The following PTH2R variants were observed in gnomAD, a reference collection of about 807,000 sequenced individuals.
The protein encoded by PTH2R is PTH2 receptor.
In PTH2R, 59 loss-of-function variants were observed where a neutral mutation model predicts 60.3. The ratio of observed to expected loss-of-function variants is 0.98; its 90% CI spans 0.79 to 1.22. The LOEUF (loss-of-function observed/expected upper bound fraction) is 1.22, where lower values mean the gene tolerates loss of function less well. Among genes scored for constraint, PTH2R ranks in the 50% most tolerant of loss-of-function variants. PTH2R has a pLI of 0.00. For synonymous variants in PTH2R, 256 were observed against 243.8 expected, an observed-to-expected ratio of 1.05 and a Z score of -0.47; for missense variants, 749 against 682.6, an observed-to-expected ratio of 1.10 and a Z score of -1.08.
chr2:208,456,232 ACT>A (rs1702512146), intron 8 of PTH2R, among the ~76,000 whole-genome samples: 2 of 151,482 alleles, frequency 1.3e-5, no homozygotes, highest in Non-Finnish European at 2.9e-5. Flanking sequence ...ACAGAGGGAG[ACT>A]CTGTCTCAAA....
At position 208,493,863 on chromosome 2, in the gene PTH2R, C is replaced by G. The variant is rs983433282; in HGVS notation, c.*204C>G. Reference sequence around the variant, plus strand: ...TGTCAATGGAGTAGTTTATTACCTTCTATTGGCATCAAGTTTTCCTCTAAA... The same window carrying G: ...TGTCAATGGAGTAGTTTATTACCTTGTATTGGCATCAAGTTTTCCTCTAAA... On this transcript the variant is annotated 3_prime_UTR_variant, in exon 13 of 13. Transcript: ENST00000272847. 8.8e-5 allele frequency: 39 copies of G among 444,488 alleles called. No homozygotes were observed. The highest frequency in any genetic ancestry group is 6.8e-4 in the African/African-American group (34 of 49,652). 27.5% of individuals were successfully genotyped at this position (444,488 alleles called of 1,614,324 possible).
intron 1 of PTH2R, among the ~76,000 whole-genome samples, chr2:208,384,680 CA>C (rs1357567750): frequency 1.3e-5 from 2 of 152,170 alleles, no homozygotes; most frequent in Non-Finnish European, 2.9e-5. Context: ...TCCCATAAAA[CA>C]ATTACACATT....
intron 2 of PTH2R, among the ~76,000 whole-genome samples, chr2:208,436,679 A>G (rs1047320676): frequency 1.3e-5 from 2 of 152,102 alleles, no homozygotes; most frequent in Non-Finnish European, 2.9e-5. Context: ...CTGATTACAT[A>G]CCTCAGGGAA....
intron 9 of PTH2R, among the ~76,000 whole-genome samples, chr2:208,463,614 A>T (rs1252454416): frequency 6.6e-6 from 1 of 152,190 alleles, no homozygotes; most frequent in Non-Finnish European, 1.5e-5. Flanking sequence ...TGGCTGCCAC[A>T]CAGCGCTGTA....
intron 1 of PTH2R, among the ~76,000 whole-genome samples, chr2:208,392,840 G>A (rs764172493): frequency 7.2e-5 from 11 of 152,138 alleles, no homozygotes; most frequent in African/African-American, 1.7e-4. Context: ...AGACTGAGCC[G>A]CTGGAATGGG....
At chr2:208,427,459 C>A (rs1224820336) in intron 1 of PTH2R, among the ~76,000 whole-genome samples, 1 of 152,012 alleles carries the variant, frequency 6.6e-6, no homozygotes, top group Non-Finnish European at 1.5e-5. Flanking sequence ...TATTTCAACC[C>A]CCAAAATTAG....
At chr2:208,458,538 C>T (rs1702561408) in intron 8 of PTH2R, among the ~76,000 whole-genome samples, 1 of 152,088 alleles carries the variant, frequency 6.6e-6, no homozygotes, top group Non-Finnish European at 1.5e-5. Context: ...CATAATATTA[C>T]ATCACCCAAG....
chr2:208,439,859 ATAAATTTACTTC>A (rs1317526918), intron 4 of PTH2R, among the ~76,000 whole-genome samples: 1 of 152,180 alleles, frequency 6.6e-6, no homozygotes, highest in African/African-American at 2.4e-5. Flanking sequence ...TTTTGATCTT[ATAAATTTACTTC>A]TAAAATCAAG....
intron 7 of PTH2R, 45 bp from the exon 8 acceptor site, chr2:208,450,704 T>C: frequency 6.3e-7 from 1 of 1,592,458 alleles, no homozygotes; most frequent in Non-Finnish European, 8.6e-7. Context: ...AAAACCTCCT[T>C]AATCTTAAAA....
intron 1 of PTH2R, among the ~76,000 whole-genome samples, chr2:208,407,906 A>G (rs573170360): frequency 6.6e-6 from 1 of 152,350 alleles, no homozygotes; most frequent in East Asian, 1.9e-4. Context: ...GGGTGCACCT[A>G]GACCGTCAAA....
rs1005692824 is a variant in PTH2R at position 208,368,986 on chromosome 2, C to T, written c.-259+8749C>T. Among the ~76,000 whole-genome samples the T allele has an allele frequency of 6.0e-5, 9 of 151,090 alleles. No individual in the cohort carries two copies. The South Asian group carries it at 1.9e-3, about 31-fold the overall frequency. ...ACTGTCATTGTTACTTGGATTATAA[C>T]TAAGTATTTCAATGTGAGTGAATGT... On this transcript the variant is annotated intron_variant, in intron 1 of 12. Coordinates refer to the PTH2R transcript ENST00000617735.
At chr2:208,393,531 G>T (rs971169211) in intron 1 of PTH2R, among the ~76,000 whole-genome samples, 1 of 152,118 alleles carries the variant, frequency 6.6e-6, no homozygotes, top group African/African-American at 2.4e-5. Context: ...CTTCCTAGTG[G>T]AATGGAGTTT....
intron 1 of PTH2R, among the ~76,000 whole-genome samples, chr2:208,383,868 A>G (rs1457358211): frequency 6.6e-6 from 1 of 152,224 alleles, no homozygotes; most frequent in East Asian, 1.9e-4. Context: ...ACAGATCTCC[A>G]TGCTGAGTGT....
At chr2:208,483,787 A>G (rs1703213668) in intron 10 of PTH2R, among the ~76,000 whole-genome samples, 1 of 152,234 alleles carries the variant, frequency 6.6e-6, no homozygotes, top group South Asian at 2.1e-4. Context: ...AATATCCTTA[A>G]TTATGTCCAA....
At chr2:208,470,685 A>T (rs139832918) in intron 9 of PTH2R, among the ~76,000 whole-genome samples, 24 of 152,322 alleles carry the variant, frequency 1.6e-4, no homozygotes, top group African/African-American at 5.8e-4. Flanking sequence ...CTTTATCAGC[A>T]GCATGAAAAC....
At chr2:208,460,899 C>T (rs1460787364) in intron 9 of PTH2R, among the ~76,000 whole-genome samples, 1 of 152,018 alleles carries the variant, frequency 6.6e-6, no homozygotes, top group African/African-American at 2.4e-5. Flanking sequence ...GTTTCATATT[C>T]TTCTTGTTTT....
chr2:208,395,159 T>C (rs1701184160), intron 1 of PTH2R, among the ~76,000 whole-genome samples: 1 of 152,186 alleles, frequency 6.6e-6, no homozygotes, highest in Admixed American at 6.5e-5. Flanking sequence ...GCCATTCTCC[T>C]GCCTCAGCCT....
rs149819041 is a variant in PTH2R, at chr2:208,445,196, G to T, written c.853+309G>T. Among the ~76,000 whole-genome samples the T allele has an allele frequency of 9.2e-3, 1,399 of 152,222 alleles. 6 individuals carry two copies. The highest frequency in any genetic ancestry group is 0.014 in the Non-Finnish European group (938 of 68,004). On this transcript the variant is annotated intron_variant, in intron 7 of 12. Coordinates refer to ENST00000272847, the MANE Select transcript of PTH2R (RefSeq NM_005048.4). Reference sequence around the variant, plus strand: ...CATACACATGTACAACTAAATGTCAGTGTTCTGCTTTATCAATAATTTCAT... The same window carrying T: ...CATACACATGTACAACTAAATGTCATTGTTCTGCTTTATCAATAATTTCAT...
At chr2:208,460,610 A>G (rs1000390247) in intron 9 of PTH2R, among the ~76,000 whole-genome samples, 5 of 152,146 alleles carry the variant, frequency 3.3e-5, no homozygotes, top group African/African-American at 1.2e-4. Context: ...TGCACATTGC[A>G]TCTGTGTTGC....
Sources: allele counts gnomAD v4.1 joint callset (sites outside exome capture counted in the v4.1 genomes callset), GRCh38; gene constraint gnomAD v4.1.1; transcripts MANE v1.5; gene names NCBI Gene and HGNC (gene_info 2026-07-23, HGNC 2026-07-21).